Variants in AKAP6 observed in about 807,000 individuals in gnomAD.
The protein encoded by AKAP6 is A-kinase anchoring protein 6, also known as A-kinase anchor protein 6.
In AKAP6, 58 loss-of-function variants were observed where a neutral mutation model predicts 188.5. The ratio of observed to expected loss-of-function variants is 0.31; its 90% CI spans 0.25 to 0.38. The LOEUF is 0.38. Among genes scored for constraint, AKAP6 ranks in the 10% least tolerant of loss-of-function variants. The pLI is 1.00. For synonymous variants in AKAP6, 989 were observed against 998.6 expected (o/e 0.99, Z 0.18); for missense variants, 2,710 against 2,740.0 (o/e 0.99, Z 0.24).
intron 1 of AKAP6, among the ~76,000 whole-genome samples, chr14:32,386,085 T>C (rs566955820): frequency 4.6e-5 from 7 of 151,892 alleles, no homozygotes; most frequent in African/African-American, 1.4e-4. Context: ...AAGTATCATT[T>C]TCATATAAAG....
At chr14:32,448,984 G>C (rs1890844729) in intron 2 of AKAP6, among the ~76,000 whole-genome samples, 1 of 152,106 alleles carries the variant, frequency 6.6e-6, no homozygotes, top group African/African-American at 2.4e-5. Context: ...ATTCTTGTTT[G>C]CATTAGGTTT....
chr14:32,603,301 C>A (rs1240232902), intron 7 of AKAP6, among the ~76,000 whole-genome samples: 2 of 151,862 alleles, frequency 1.3e-5, no homozygotes, highest in Non-Finnish European at 2.9e-5. Context: ...TGGGAGTATG[C>A]CGAAGTGGAC....
intron 1 of AKAP6, among the ~76,000 whole-genome samples, chr14:32,390,912 C>T (rs1455031764): frequency 1.3e-5 from 2 of 152,156 alleles, no homozygotes; most frequent in Non-Finnish European, 2.9e-5. Context: ...AGTCCTGCCT[C>T]CTGTCCGCCA....
At chr14:32,616,868 T>G (rs935073690) in intron 7 of AKAP6, 1 of 152,220 alleles carries the variant, frequency 6.6e-6, no homozygotes, top group Non-Finnish European at 1.5e-5. Flanking sequence ...TTTTTGAGTT[T>G]TATAAACTCA....
In AKAP6 at chr14:32,594,318, A is replaced by G. The variant is rs112856122; in HGVS notation, c.2470-5092A>G. ...TTTTGCAGTCTTTTTCTAAGTACTA[A>G]GACTATTTACTTACATATATGTAAT... On this transcript the variant is annotated intron_variant, in intron 5 of 13. Transcript: ENST00000280979. Among the ~76,000 whole-genome samples, 4 of 152,310 alleles carry G rather than the reference A, an allele frequency of 2.6e-5. No individual in the cohort carries two copies. In the South Asian group the frequency reaches 8.3e-4, roughly 32 times the overall value.
In AKAP6 at chr14:32,404,691, G is replaced by GATAGATTATATATATAT; in HGVS notation, c.-34-28766_-34-28765insGATTATATATATATATA. The stretch of plus-strand genomic sequence containing the variant: ...AGAGTGGGGTTATGAGGAGTCAGGA[G>GATAGATTATATATATAT]ATATATATATATATATATATTAGTC... On this transcript the variant is annotated intron_variant, in intron 1 of 13. Transcript: ENST00000280979. Among the ~76,000 whole-genome samples, 398 of 44,432 alleles carry GATAGATTATATATATAT rather than the reference G, an allele frequency of 9.0e-3. 23 individuals are homozygous for GATAGATTATATATATAT. The highest frequency in any genetic ancestry group is 0.044 in the Middle Eastern group (3 of 68). 29.1% of individuals were successfully genotyped at this position (44,432 alleles called of 152,430 possible). A position where few individuals can be genotyped will look rare whatever the true frequency, so the allele number is the denominator to read the frequency against.
At chr14:32,814,337 C>T (rs529707838) in intron 12 of AKAP6, among the ~76,000 whole-genome samples, 1 of 152,280 alleles carries the variant, frequency 6.6e-6, no homozygotes, top group African/African-American at 2.4e-5. Context: ...TGTGCAACCA[C>T]CACTTCTTCC....
intron 2 of AKAP6, among the ~76,000 whole-genome samples, chr14:32,508,197 A>C (rs1383300448): frequency 2.0e-5 from 3 of 152,252 alleles, no homozygotes; most frequent in Non-Finnish European, 2.9e-5. Flanking sequence ...TGTTCTTAAC[A>C]AGAAAATCAC....
In AKAP6 at chr14:32,590,366, G is replaced by C. The variant is rs532591084; in HGVS notation, c.2470-9044G>C. 9.2e-5 allele frequency among the ~76,000 whole-genome samples: 14 copies of C among 152,170 alleles called. No individual in the cohort carries two copies. The South Asian group carries it at 2.9e-3, about 32-fold the overall frequency. ...AATATCTGCTAAGGCCGGGCACAGTGGCTCACAGTGGTTGCAGTGAGCCAA... is the reference window on the plus strand; with the variant it reads ...AATATCTGCTAAGGCCGGGCACAGTCGCTCACAGTGGTTGCAGTGAGCCAA... On this transcript the variant is annotated intron_variant, in intron 5 of 13. Transcript: ENST00000280979.
chr14:32,452,965 G>A (rs971853189), intron 2 of AKAP6, among the ~76,000 whole-genome samples: 93 of 152,270 alleles, frequency 6.1e-4, no homozygotes, highest in African/African-American at 2.1e-3. Flanking sequence ...GAAGCCATCC[G>A]TTGTTGGAAG....
intron 8 of AKAP6, among the ~76,000 whole-genome samples, chr14:32,691,625 C>T (rs1566649768): frequency 6.6e-6 from 1 of 152,002 alleles, no homozygotes; most frequent in Non-Finnish European, 1.5e-5. Context: ...ATGCCATGAC[C>T]TCAGCTCACT....
chr14:32,498,005 T>C (rs1408613917), intron 2 of AKAP6, among the ~76,000 whole-genome samples: 1 of 152,152 alleles, frequency 6.6e-6, no homozygotes, highest in Non-Finnish European at 1.5e-5. Flanking sequence ...CAATCTAAGG[T>C]ATTTATGTAA....
chr14:32,522,546 T>C (rs1477634690), intron 2 of AKAP6, among the ~76,000 whole-genome samples: 1 of 152,120 alleles, frequency 6.6e-6, no homozygotes, highest in African/African-American at 2.4e-5. Flanking sequence ...ACAGACACTT[T>C]TCAAAAGAAG....
intron 2 of AKAP6, among the ~76,000 whole-genome samples, chr14:32,503,220 G>C (rs8018503): frequency 6.6e-6 from 1 of 151,926 alleles, no homozygotes; most frequent in Non-Finnish European, 1.5e-5. Flanking sequence ...GATCATTTGT[G>C]TTACTTGTTC....
In AKAP6 at chr14:32,501,854, A is replaced by G. The variant is rs10145507; in HGVS notation, c.325-33700A>G. The stretch of plus-strand genomic sequence containing the variant: ...CTCTTGCAGTAAACCTATGTCTTCA[A>G]TATTTTATCACATTGGCTCTCCTAG... On this transcript the variant is annotated intron_variant, in intron 2 of 13. Coordinates refer to ENST00000280979, the MANE Select transcript of AKAP6 (RefSeq NM_004274.5). 8.9e-3 allele frequency among the ~76,000 whole-genome samples: 1,354 copies of G among 152,250 alleles called. 21 individuals are homozygous for G. The highest frequency in any genetic ancestry group is 0.029 in the African/African-American group (1,185 of 41,554).
At chr14:32,389,459 AAAG>A (rs1432740725) in intron 1 of AKAP6, among the ~76,000 whole-genome samples, 1 of 151,840 alleles carries the variant, frequency 6.6e-6, no homozygotes, top group Non-Finnish European at 1.5e-5. Flanking sequence ...TTTATGCTTT[AAAG>A]AAGTTCTTTT....
At chr14:32,720,375 T>G (rs1056923155) in intron 9 of AKAP6, among the ~76,000 whole-genome samples, 4 of 152,246 alleles carry the variant, frequency 2.6e-5, no homozygotes, top group Admixed American at 2.6e-4. Flanking sequence ...GATGTAAATA[T>G]GCATATCATT....
chr14:32,343,512 G>A (rs1273341271), intron 1 of AKAP6, among the ~76,000 whole-genome samples: 4 of 151,932 alleles, frequency 2.6e-5, no homozygotes, highest in African/African-American at 9.7e-5. Flanking sequence ...ACTTTGGGAG[G>A]CCGAGGTGGG....
At chr14:32,458,209 G>T (rs1222136994) in intron 2 of AKAP6, among the ~76,000 whole-genome samples, 1 of 152,142 alleles carries the variant, frequency 6.6e-6, no homozygotes, top group East Asian at 1.9e-4. Flanking sequence ...CAATTTTTTA[G>T]ATTAAGATAA....
Sources: gnomAD v4.1 joint callset for allele counts (sites outside exome capture counted in the v4.1 genomes callset) on GRCh38, gnomAD v4.1.1 for gene constraint, MANE v1.5 for transcripts, NCBI Gene and HGNC (gene_info 2026-07-23, HGNC 2026-07-21) for gene names.